COL4A6: variants seen among roughly 807,000 people sequenced by gnomAD.
The protein encoded by COL4A6 is collagen alpha-6(IV) chain.
A neutral mutation model predicts 126.7 loss-of-function variants in COL4A6; 59 were observed. That is an observed-to-expected ratio of 0.47 (90% CI 0.38 to 0.58). The LOEUF (loss-of-function observed/expected upper bound fraction) is 0.58. COL4A6 is among the 20% of genes least tolerant of loss of function. The pLI is 0.00. For missense variants in COL4A6, 1,285 were observed against 1,337.3 expected (o/e 0.96, Z 0.61); for synonymous variants, 547 against 496.6 (o/e 1.10, Z -1.35).
Position 108,164,615 on chromosome X carries a change from T to C in COL4A6, c.4054A>G (p.Lys1352Glu). Reference protein sequence around the residue: ...GDPGFPGMKGKAGPRGSSGLQ... With the variant: ...GDPGFPGMKGEAGPRGSSGLQ... ...CTCAACTTACCTCTTGGCCCTGCCT[T>C]CCCCTTCATTCCGGGAAATCCTGGG... The change falls in exon 40 of 45, where the codon AAG (lysine) becomes GAG (glutamate). Residue 1352 changes from lysine to glutamate, a missense_variant. Lys to Glu is a moderately conservative substitution (Grantham distance 56, BLOSUM62 1). Coordinates refer to ENST00000334504, the MANE Select transcript of COL4A6 (RefSeq NM_033641.4). 8.3e-7 allele frequency: 1 copy of C among 1,211,278 alleles called. No homozygotes were observed. The highest frequency in any genetic ancestry group is 1.1e-6 in the Non-Finnish European group (1 of 895,129).
At chrX:108,230,709 C>T (rs1015710822) in intron 3 of COL4A6, among the ~76,000 whole-genome samples, 1 of 111,800 alleles carries the variant, frequency 8.9e-6, no homozygotes, top group Non-Finnish European at 1.9e-5. Context: ...GCAAGGCAGG[C>T]GAAGGGCACC....
chrX:108,359,100 C>A (rs1218115624), intron 2 of COL4A6, among the ~76,000 whole-genome samples: 1 of 112,363 alleles, frequency 8.9e-6, no homozygotes, highest in Non-Finnish European at 1.9e-5. Context: ...CAAGTCCTTG[C>A]CAATCAGTTA....
At chrX:108,288,604 T>A (rs1189343392) in intron 3 of COL4A6, among the ~76,000 whole-genome samples, 1 of 111,477 alleles carries the variant, frequency 9.0e-6, no homozygotes, top group Non-Finnish European at 1.9e-5. Flanking sequence ...GAATAGTTCA[T>A]GAATTTGGCT....
At chrX:108,189,719 T>C (rs981136020) in intron 20 of COL4A6, among the ~76,000 whole-genome samples, 1 of 112,332 alleles carries the variant, frequency 8.9e-6, no homozygotes, top group Admixed American at 9.4e-5. Context: ...GGTAATGACA[T>C]TTTATGATGG....
chrX:108,353,089 A>C (rs1767887593), intron 2 of COL4A6, among the ~76,000 whole-genome samples: 1 of 111,959 alleles, frequency 8.9e-6, no homozygotes. Flanking sequence ...AGTGGTTATA[A>C]GAAGAAAAAA....
chrX:108,382,077 C>G (rs1260926020), intron 2 of COL4A6, among the ~76,000 whole-genome samples: 1 of 111,984 alleles, frequency 8.9e-6, no homozygotes, highest in Non-Finnish European at 1.9e-5. Context: ...TCACTGGTAT[C>G]TCAGTCCAAG....
chrX:108,159,552 C>T lies in COL4A6; in HGVS notation c.4722G>A (p.Ser1574=), dbSNP rs754549175. ...ISRCSVCEAP[S]QAIAVHSQDI... is the part of the protein sequence containing the mutation. ...CCTGGCTGTGCACAGCAATGGCTTG[C>T]GAGGGTGCCTCACACACAGAGCAGC... Residue 1574 remains serine (S), a synonymous_variant, in exon 44 of 45, where the codon TCG becomes TCA. Coordinates refer to ENST00000334504, the MANE Select transcript of COL4A6 (RefSeq NM_033641.4). 12 of 1,211,919 alleles carry T rather than the reference C, an allele frequency of 9.9e-6. No homozygotes were observed. The highest frequency in any genetic ancestry group is 4.3e-5 in the Admixed American group (2 of 46,077).
chrX:108,212,825 A>G (rs1423351815), intron 6 of COL4A6, among the ~76,000 whole-genome samples: 1 of 111,828 alleles, frequency 8.9e-6, no homozygotes, highest in Non-Finnish European at 1.9e-5. Context: ...CTTGAGGTTA[A>G]GTTAAGAGAC....
intron 2 of COL4A6, among the ~76,000 whole-genome samples, chrX:108,356,851 T>C (rs186008002): frequency 3.6e-5 from 4 of 110,693 alleles, no homozygotes; most frequent in African/African-American, 1.3e-4. Context: ...GAATTTTTCA[T>C]CTGTAATATT....
chrX:108,248,259 C>T (rs1296157367), intron 3 of COL4A6, among the ~76,000 whole-genome samples: 2 of 111,330 alleles, frequency 1.8e-5, no homozygotes, highest in South Asian at 3.8e-4. Flanking sequence ...TGAGGGTGTG[C>T]TATTTTTCTT....
At chrX:108,437,884 G>A (rs2064296719) in intron 2 of COL4A6, 58 bp downstream of exon 2, 2 of 1,163,858 alleles carry the variant, frequency 1.7e-6, no homozygotes, top group South Asian at 3.6e-5. Context: ...TACTAGAGAT[G>A]GGGATGGTTA....
chrX:108,365,386 A>T, intron 2 of COL4A6, among the ~76,000 whole-genome samples: 1 of 112,032 alleles, frequency 8.9e-6, no homozygotes, highest in Non-Finnish European at 1.9e-5. Flanking sequence ...GCAAGAAAGC[A>T]ATTTCTCCAT....
chrX:108,322,198 AAC>A (rs981724011), intron 2 of COL4A6, among the ~76,000 whole-genome samples: 2 of 110,831 alleles, frequency 1.8e-5, no homozygotes, highest in South Asian at 3.8e-4. Context: ...CACACACACA[AAC>A]ACACACACAC....
At chrX:108,251,118 C>T (rs1309180648) in intron 3 of COL4A6, among the ~76,000 whole-genome samples, 2 of 111,339 alleles carry the variant, frequency 1.8e-5, no homozygotes, top group African/African-American at 6.5e-5. Context: ...CTCAGGATTC[C>T]ACATGCGGAC....
intron 2 of COL4A6, among the ~76,000 whole-genome samples, chrX:108,354,089 G>T (rs2039903359): frequency 9.0e-6 from 1 of 111,727 alleles, no homozygotes; most frequent in Non-Finnish European, 1.9e-5. Context: ...TGTGGCAGAG[G>T]TTGCAGTGAG....
chrX:108,204,317 T>A lies in COL4A6; in HGVS notation c.780+3A>T. ...TTTTTTCCTATTCTTAAATGTTCAC[T>A]ACCTTGGATCCTTTCTTCCCTTTGG... On this transcript the variant is annotated splice_donor_region_variant and intron_variant, in intron 12 of 44. Coordinates refer to ENST00000334504, the MANE Select transcript of COL4A6 (RefSeq NM_033641.4). The A allele has an allele frequency of 8.6e-7, 1 of 1,165,306 alleles. No homozygotes were observed. Among genetic ancestry groups the A allele is most frequent in the Non-Finnish European group, 1.1e-6 (1 of 871,525 alleles).
rs2034928007 is a variant in COL4A6, at chrX:108,188,096, A to G, written c.1588-69T>C. 5 of 937,796 alleles carry G rather than the reference A, an allele frequency of 5.3e-6. No homozygotes were observed. The African/African-American group carries it at 7.7e-5, about 14-fold the overall frequency. 77.3% of individuals were successfully genotyped at this position (937,796 alleles called of 1,213,427 possible). On this transcript the variant is annotated intron_variant, in intron 21 of 44. Coordinates refer to ENST00000334504, the MANE Select transcript of COL4A6 (RefSeq NM_033641.4). ...ACTTCATAGAATTCCGGCACCTAGC[A>G]TTATGACTTAGAGCAGAACCTTGGG...
chrX:108,273,532 G>A lies in COL4A6; in HGVS notation c.144+37216C>T, dbSNP rs112328025. On this transcript the variant is annotated intron_variant, in intron 3 of 44. Transcript: ENST00000334504. ...TGCTACTATAAAGACACATGCACAC[G>A]TATGTTTATTGCAGCACTACTCACA... Among the ~76,000 whole-genome samples the A allele has an allele frequency of 9.4e-4, 102 of 108,238 alleles. No homozygotes were observed. The Middle Eastern group carries it at 0.028, about 29-fold the overall frequency. The allele number at this position is 108,238 out of a possible 115,157, so 94.0% of individuals were successfully genotyped here.
intron 3 of COL4A6, among the ~76,000 whole-genome samples, chrX:108,282,141 CA>C (rs1165592144): frequency 3.7e-5 from 4 of 107,795 alleles, no homozygotes. Context: ...CCAAAATTGA[CA>C]AATGGGATCT....
Sources: gnomAD v4.1 joint callset for allele counts (sites outside exome capture counted in the v4.1 genomes callset) on GRCh38, gnomAD v4.1.1 for gene constraint, MANE v1.5 for transcripts, NCBI Gene and HGNC (gene_info 2026-07-23, HGNC 2026-07-21) for gene names.